SLC2A9: variants seen among roughly 807,000 people sequenced by gnomAD.
SLC2A9 encodes the protein solute carrier family 2 member 9.
In SLC2A9, 39 loss-of-function variants were observed where a neutral mutation model predicts 50.6. The observed-to-expected ratio is 0.77, with a 90% CI of 0.60 to 1.01. The LOEUF (loss-of-function observed/expected upper bound fraction) is 1.01, where lower values mean the gene tolerates loss of function less well. Ranked by LOEUF, SLC2A9 falls within the 50% of genes least tolerant of loss-of-function variation. The pLI is 0.00. For synonymous variants in SLC2A9, 324 were observed against 276.9 expected (o/e 1.17, Z -1.69); for missense variants, 686 against 677.6 (o/e 1.01, Z -0.14).
At chr4:9,871,926 G>T (rs1733508104) in intron 10 of SLC2A9, among the ~76,000 whole-genome samples, 1 of 152,188 alleles carries the variant, frequency 6.6e-6, no homozygotes, top group South Asian at 2.1e-4. Flanking sequence ...GGTAGATCTG[G>T]CCACCAATTC....
intron 10 of SLC2A9, among the ~76,000 whole-genome samples, chr4:9,866,118 G>A (rs1420705680): frequency 6.6e-6 from 1 of 152,170 alleles, no homozygotes; most frequent in Non-Finnish European, 1.5e-5. Flanking sequence ...GCAATATGCA[G>A]GGCCCGTTAC....
At chr4:9,889,433 G>A (rs180708850) in intron 9 of SLC2A9, among the ~76,000 whole-genome samples, 277 of 152,290 alleles carry the variant, frequency 1.8e-3, no homozygotes, top group African/African-American at 6.4e-3. Context: ...AAAGACAATG[G>A]CCTGGAACAT....
At chr4:9,772,250 C>G (rs1448709037) in intron 1 of SLC2A9, among the ~76,000 whole-genome samples, 1 of 152,110 alleles carries the variant, frequency 6.6e-6, no homozygotes, top group Non-Finnish European at 1.5e-5. Flanking sequence ...GGAGGTGGCA[C>G]TGGGGATGGA....
intron 10 of SLC2A9, among the ~76,000 whole-genome samples, chr4:9,837,539 T>A (rs536907729): frequency 6.6e-6 from 1 of 152,324 alleles, no homozygotes; most frequent in African/African-American, 2.4e-5. Flanking sequence ...TACAATGGAA[T>A]GCGGTACATC....
chr4:9,982,918 G>A (rs1446506442), intron 4 of SLC2A9, among the ~76,000 whole-genome samples: 3 of 152,162 alleles, frequency 2.0e-5, no homozygotes, highest in Admixed American at 6.5e-5. Context: ...TGCCCAGACG[G>A]GAGTGCAATG....
chr4:9,879,490 G>A, intron 10 of SLC2A9: 1 of 985,284 alleles, frequency 1.0e-6, no homozygotes, highest in Non-Finnish European at 1.2e-6. Flanking sequence ...GGGCAGGCAG[G>A]GCAGGCAGAG....
chr4:9,989,804 A>G (rs931286205), intron 3 of SLC2A9, among the ~76,000 whole-genome samples: 3 of 151,740 alleles, frequency 2.0e-5, no homozygotes, highest in African/African-American at 7.3e-5. Flanking sequence ...TTATCTCTAC[A>G]CTGACCTCCA....
intron 3 of SLC2A9, chr4:9,784,147 T>G (rs1718901297): frequency 6.5e-6 from 1 of 154,446 alleles, no homozygotes; most frequent in African/African-American, 2.4e-5. Context: ...CAGTTTGGCC[T>G]TAAAGATACA....
At chr4:9,950,420 A>C (rs1297516874) in intron 5 of SLC2A9, among the ~76,000 whole-genome samples, 1 of 152,198 alleles carries the variant, frequency 6.6e-6, no homozygotes, top group African/African-American at 2.4e-5. Context: ...TCCTTCCCCT[A>C]TTCCTAAAAC....
At chr4:10,021,104 A>G (rs748066899) in intron 1 of SLC2A9, among the ~76,000 whole-genome samples, 176 bp downstream of exon 1, 2 of 152,210 alleles carry the variant, frequency 1.3e-5, no homozygotes, top group Non-Finnish European at 2.9e-5. Flanking sequence ...TGGAGAGAGC[A>G]TGCCAAAGTC....
intron 3 of SLC2A9, among the ~76,000 whole-genome samples, chr4:9,994,080 G>A (rs1255246111): frequency 6.6e-6 from 1 of 152,216 alleles, no homozygotes; most frequent in African/African-American, 2.4e-5. Context: ...CATGGGAGAG[G>A]AATAACAGAG....
rs138590226 is a variant in SLC2A9 at position 9,817,185 on chromosome 4, A to G, written n.420+9235T>C. ...GGACATTGGGTTTACCCAGTCATCC[A>G]CGTTAATGACCCAAACTCAAGATCC... On this transcript the variant is annotated intron_variant and non_coding_transcript_variant, in intron 3 of 3. Coordinates refer to the SLC2A9 transcript ENST00000503280. 2.9e-3 allele frequency among the ~76,000 whole-genome samples: 447 copies of G among 152,324 alleles called. 2 individuals carry two copies. Among genetic ancestry groups the G allele is most frequent in the African/African-American group, 0.01 (422 of 41,582 alleles).
chr4:9,890,080 A>C (rs563236441), intron 9 of SLC2A9, among the ~76,000 whole-genome samples: 1 of 152,290 alleles, frequency 6.6e-6, no homozygotes, highest in African/African-American at 2.4e-5. Context: ...CCCTGGATGA[A>C]GGGACGACTG....
downstream of SLC2A9, among the ~76,000 whole-genome samples, chr4:9,775,267 G>A (rs1005519585): frequency 6.6e-6 from 1 of 152,154 alleles, no homozygotes; most frequent in African/African-American, 2.4e-5. Flanking sequence ...GGGCCCAACG[G>A]GGAGACTCTC....
intron 4 of SLC2A9, among the ~76,000 whole-genome samples, chr4:9,981,216 ATGG>A (rs1755737982): frequency 1.1e-5 from 1 of 92,090 alleles, no homozygotes; most frequent in South Asian, 3.8e-4. Context: ...GATGATGATG[ATGG>A]TGGTGGTGAT....
chr4:9,918,302 G>A (rs2110070229), intron 7 of SLC2A9, among the ~76,000 whole-genome samples: 1 of 152,334 alleles, frequency 6.6e-6, no homozygotes, highest in Admixed American at 6.5e-5. Flanking sequence ...AGTGCTGGTA[G>A]CTCTCTTTGT....
At chr4:10,015,790 T>C (rs1450203724) in intron 2 of SLC2A9, among the ~76,000 whole-genome samples, 1 of 152,194 alleles carries the variant, frequency 6.6e-6, no homozygotes, top group East Asian at 1.9e-4. Flanking sequence ...AAAATAAATG[T>C]CTTGCTGAAG....
intron 10 of SLC2A9, among the ~76,000 whole-genome samples, chr4:9,868,869 T>C (rs1732950082): frequency 6.6e-6 from 1 of 152,106 alleles, no homozygotes; most frequent in African/African-American, 2.4e-5. Context: ...AGTGGTGAGG[T>C]TCCCAGGGGG....
intron 8 of SLC2A9, among the ~76,000 whole-genome samples, chr4:9,895,425 G>A (rs192778279): frequency 6.6e-6 from 1 of 152,318 alleles, no homozygotes; most frequent in Admixed American, 6.5e-5. Flanking sequence ...AGCGAACGTG[G>A]TATTTCCACT....
Sources: allele counts gnomAD v4.1 joint callset (sites outside exome capture counted in the v4.1 genomes callset), GRCh38; gene constraint gnomAD v4.1.1; transcripts MANE v1.5; gene names NCBI Gene and HGNC (gene_info 2026-07-23, HGNC 2026-07-21).